SLC7A6OS: variants seen among roughly 807,000 people sequenced by gnomAD.
The protein encoded by SLC7A6OS is probable RNA polymerase II nuclear localization protein SLC7A6OS.
SLC7A6OS carries 22 observed loss-of-function variants against 34.3 expected under a neutral mutation model. That is an observed-to-expected ratio of 0.64 (90% CI 0.46 to 0.92). The LOEUF (loss-of-function observed/expected upper bound fraction) is 0.92. Ranked by LOEUF, SLC7A6OS falls within the 40% of genes least tolerant of loss-of-function variation. SLC7A6OS has a pLI of 0.00. For synonymous variants in SLC7A6OS, 199 were observed against 165.0 expected (o/e 1.21, Z -1.58); for missense variants, 434 against 407.7 (o/e 1.06, Z -0.56).
chr16:68,308,431 C>T (rs1368392976), intron 2 of SLC7A6OS, among the ~76,000 whole-genome samples: 1 of 150,930 alleles, frequency 6.6e-6, no homozygotes, highest in Non-Finnish European at 1.5e-5. Context: ...AGTTCAAGAC[C>T]AGCCTGGCCA....
rs932873138 is a variant in SLC7A6OS at position 68,299,540 on chromosome 16, G to A, written c.*1735C>T. ...AATTTCTGCCAGCTCTTTGTTGTCTGTCTCCTTAAATCCTTTTCCTGGTGT... is the reference window on the plus strand; with the variant it reads ...AATTTCTGCCAGCTCTTTGTTGTCTATCTCCTTAAATCCTTTTCCTGGTGT... On this transcript the variant is annotated 3_prime_UTR_variant, in exon 5 of 5. Coordinates refer to ENST00000263997, the MANE Select transcript of SLC7A6OS (RefSeq NM_032178.3). 1.3e-5 allele frequency: 2 copies of A among 152,438 alleles called. No individual in the cohort carries two copies. The highest frequency in any genetic ancestry group is 4.8e-5 in the African/African-American group (2 of 41,460). The allele number at this position is 152,438 out of a possible 1,614,324, so 9.4% of individuals were successfully genotyped here.
Position 68,310,467 on chromosome 16 carries a change from C to T in SLC7A6OS, c.339G>A (p.Gly113=). The T allele has an allele frequency of 6.3e-7, 1 of 1,599,942 alleles. No homozygotes were observed. Among genetic ancestry groups the T allele is most frequent in the Non-Finnish European group, 8.5e-7 (1 of 1,173,576 alleles). ...CGGACTCCTGGCCGCTCGAGGTGGTCCCCAAGGATCGGCGGCTGGAAAGCA... is the reference window on the plus strand; with the variant it reads ...CGGACTCCTGGCCGCTCGAGGTGGTTCCCAAGGATCGGCGGCTGGAAAGCA... ...YRVLSSRRSL[G]TTSSGQESEY... The change falls in exon 2 of 5, where the codon GGG becomes GGA. Residue 113 remains glycine (G), a synonymous_variant. Coordinates refer to ENST00000263997, the MANE Select transcript of SLC7A6OS (RefSeq NM_032178.3).
rs1567602686 is a variant in SLC7A6OS, at chr16:68,304,012, A to T, written c.678+14T>A. The T allele has an allele frequency of 6.2e-7, 1 of 1,611,980 alleles. No individual in the cohort carries two copies. Among genetic ancestry groups the T allele is most frequent in the Non-Finnish European group, 8.5e-7 (1 of 1,179,170 alleles). On this transcript the variant is annotated intron_variant, in intron 3 of 4. Transcript: ENST00000263997. ...AGGATGCCTCATGCCCCGTCTGCTC[A>T]TGGGCCCCCTTACCAGCTCCCATTC...
In SLC7A6OS at chr16:68,302,573, A is replaced by T. The variant is rs901946018; in HGVS notation, c.679-72T>A. ...TTATGCTCTGGGGGAAGTTGTTAGC[A>T]TACCAGCTTGAAGAGATATCATGTA... On this transcript the variant is annotated intron_variant, in intron 3 of 4. Transcript: ENST00000263997. The T allele has an allele frequency of 8.2e-6, 13 of 1,590,890 alleles. No homozygotes were observed. In the South Asian group the frequency reaches 1.4e-4, roughly 18 times the overall value.
At chr16:68,304,276 CATG>C (rs1412183354) in intron 2 of SLC7A6OS, 44 bp from the exon 3 acceptor site, 1 of 1,553,440 alleles carries the variant, frequency 6.4e-7, no homozygotes, top group South Asian at 1.1e-5. Flanking sequence ...TGACCCAAAA[CATG>C]ATGTTCCAAG....
chr16:68,303,374 C>A (rs985092298), intron 3 of SLC7A6OS, among the ~76,000 whole-genome samples: 2 of 151,694 alleles, frequency 1.3e-5, no homozygotes, highest in African/African-American at 4.8e-5. Flanking sequence ...GAGTTCAAGA[C>A]CATAAGACCA....
At chr16:68,308,214 T>A (rs2043340408) in intron 2 of SLC7A6OS, among the ~76,000 whole-genome samples, 1 of 151,966 alleles carries the variant, frequency 6.6e-6, no homozygotes, top group East Asian at 1.9e-4. Context: ...GTGAACTATT[T>A]ACTTGATTCA....
chr16:68,301,534 AAAG>A, intron 4 of SLC7A6OS, 129 bp from the exon 5 acceptor site: 1 of 694,830 alleles, frequency 1.4e-6, no homozygotes, highest in Non-Finnish European at 2.2e-6. Context: ...AATAAATAAA[AAAG>A]AATATAGAAT....
chr16:68,306,801 T>G (rs2151241238), intron 2 of SLC7A6OS, among the ~76,000 whole-genome samples: 1 of 150,932 alleles, frequency 6.6e-6, no homozygotes, highest in East Asian at 2.0e-4. Context: ...CTGAAAATTA[T>G]TTTGAAGTCT....
chr16:68,310,921 C>G lies in SLC7A6OS; in HGVS notation c.6G>C (p.Glu2Asp). The stretch of plus-strand genomic sequence containing the variant: ...CCCGGAGTACAGCGGTCCTGGCGGC[C>G]TCCATAGTGGCTGCCGCTGAGCACT... M[E>D]AARTAVLRVK... The change falls in exon 1 of 5, where the codon GAG becomes GAC. Residue 2 changes from glutamate to aspartate, a missense_variant. Transcript: ENST00000263997. The G allele has an allele frequency of 6.3e-7, 1 of 1,581,552 alleles. No individual in the cohort carries two copies. The highest frequency in any genetic ancestry group is 1.1e-5 in the South Asian group (1 of 88,580).
Position 68,300,800 on chromosome 16 carries a change from A to C in SLC7A6OS, c.*475T>G. On this transcript the variant is annotated 3_prime_UTR_variant, in exon 5 of 5. Coordinates refer to ENST00000263997, the MANE Select transcript of SLC7A6OS (RefSeq NM_032178.3). ...ACTTTCTGCCCTAATGGCCATTACT[A>C]TCCAGTCTGTATTGCTACAAGGGAC... 1.0e-6 allele frequency: 1 copy of C among 985,680 alleles called. No individual in the cohort carries two copies. The highest frequency in any genetic ancestry group is 1.2e-6 in the Non-Finnish European group (1 of 830,150). 61.1% of individuals were successfully genotyped at this position (985,680 alleles called of 1,614,324 possible).
In SLC7A6OS at chr16:68,300,849, T is replaced by C. The variant is rs2043257925; in HGVS notation, c.*426A>G. ...ACCCACTGGTACCCCTTTTAGATTCTATCAAAAGGAACAGGGTTTTCCTAG... is the reference window on the plus strand; with the variant it reads ...ACCCACTGGTACCCCTTTTAGATTCCATCAAAAGGAACAGGGTTTTCCTAG... On this transcript the variant is annotated 3_prime_UTR_variant, in exon 5 of 5. Coordinates refer to ENST00000263997, the MANE Select transcript of SLC7A6OS (RefSeq NM_032178.3). 1.0e-6 allele frequency: 1 copy of C among 987,432 alleles called. No individual in the cohort carries two copies. 61.2% of individuals were successfully genotyped at this position (987,432 alleles called of 1,614,324 possible).
chr16:68,304,384 GGT>G, intron 2 of SLC7A6OS, 152 bp from the exon 3 acceptor site: 2 of 661,854 alleles, frequency 3.0e-6, no homozygotes, highest in Non-Finnish European at 5.2e-6. Context: ...GCAGTGGCGT[GGT>G]CTTGGCTCAC....
In SLC7A6OS at chr16:68,310,619, G is replaced by A. The variant is rs1009521361; in HGVS notation, c.193-6C>T. Reference sequence around the variant, plus strand: ...AGAGGCTGGACTGGTTCCTCCTAGGGGGCAACAGGGGACGGAGGCCAGCGT... The same window carrying A: ...AGAGGCTGGACTGGTTCCTCCTAGGAGGCAACAGGGGACGGAGGCCAGCGT... On this transcript the variant is annotated splice_polypyrimidine_tract_variant and splice_region_variant and intron_variant, in intron 1 of 4. Coordinates refer to ENST00000263997, the MANE Select transcript of SLC7A6OS (RefSeq NM_032178.3). 1.3e-6 allele frequency: 2 copies of A among 1,592,604 alleles called. No homozygotes were observed. Among genetic ancestry groups the A allele is most frequent in the Non-Finnish European group, 1.7e-6 (2 of 1,167,136 alleles).
intron 4 of SLC7A6OS, 167 bp from the exon 5 acceptor site, chr16:68,301,572 A>T: frequency 1.9e-6 from 1 of 533,502 alleles, no homozygotes. Flanking sequence ...AGAAGGAATC[A>T]CTTTCCTATC....
In SLC7A6OS at chr16:68,298,122, T is replaced by G. The variant is rs1424646163; in HGVS notation, c.*3153A>C. ...TCACGTTACAAGCACTTGGCTCAGG[T>G]CCAGCAAGGACAGATGAACAAATTC... is the stretch of plus-strand genomic sequence containing the variant. On this transcript the variant is annotated 3_prime_UTR_variant, in exon 5 of 5. Transcript: ENST00000263997. The G allele has an allele frequency of 6.5e-6, 1 of 152,674 alleles. No homozygotes were observed. The highest frequency in any genetic ancestry group is 1.5e-5 in the Non-Finnish European group (1 of 68,044). The allele number at this position is 152,674 out of a possible 1,614,324, so 9.5% of individuals were successfully genotyped here.
rs2043250473 is a variant in SLC7A6OS, at chr16:68,300,474, A to G, written c.*801T>C. On this transcript the variant is annotated 3_prime_UTR_variant, in exon 5 of 5. Coordinates refer to ENST00000263997, the MANE Select transcript of SLC7A6OS (RefSeq NM_032178.3). ...GTGAAGAGTAAACATTACTCAGTGG[A>G]AAGCTAAGTTCAGAAGGTACTTTGT... 1 of 294,332 alleles carries G rather than the reference A, an allele frequency of 3.4e-6. No individual in the cohort carries two copies. Among genetic ancestry groups the G allele is most frequent in the Non-Finnish European group, 5.0e-6 (1 of 198,380 alleles). The allele number at this position is 294,332 out of a possible 1,614,324, so 18.2% of individuals were successfully genotyped here.
intron 2 of SLC7A6OS, among the ~76,000 whole-genome samples, chr16:68,304,790 C>A (rs956764991): frequency 6.6e-6 from 1 of 152,184 alleles, no homozygotes; most frequent in Non-Finnish European, 1.5e-5. Context: ...GGCTCTCACA[C>A]CTATAATCCC....
At chr16:68,303,263 C>CA (rs796694122) in intron 3 of SLC7A6OS, among the ~76,000 whole-genome samples, 3,317 of 84,024 alleles carry the variant, frequency 0.039, 57 homozygotes, top group Non-Finnish European at 0.062. Flanking sequence ...GACTCCATCT[C>CA]AAAAAAAAAA....
Sources: allele counts gnomAD v4.1 joint callset (sites outside exome capture counted in the v4.1 genomes callset), GRCh38; gene constraint gnomAD v4.1.1; transcripts MANE v1.5; gene names NCBI Gene and HGNC (gene_info 2026-07-23, HGNC 2026-07-21).